CDC27: variants seen among roughly 807,000 people sequenced by gnomAD.
The protein encoded by CDC27 is cell division cycle 27.
A neutral mutation model predicts 109.7 loss-of-function variants in CDC27; 27 were observed. That is an observed-to-expected ratio of 0.25 (90% CI 0.18 to 0.34). CDC27 has a LOEUF of 0.34. Ranked by LOEUF, CDC27 falls within the 10% of genes least tolerant of loss-of-function variation. The pLI, the probability that CDC27 is intolerant of heterozygous loss-of-function variation, is 1.00. For missense variants in CDC27, 579 were observed against 960.2 expected (o/e 0.60, Z 5.25); for synonymous variants, 266 against 333.9 (o/e 0.80, Z 2.22).
intron 9 of CDC27, among the ~76,000 whole-genome samples, chr17:47,145,246 G>T (rs937176544): frequency 6.6e-6 from 1 of 152,176 alleles, no homozygotes; most frequent in African/African-American, 2.4e-5. Flanking sequence ...GCAAAATAGA[G>T]CTCAGTGGTC....
At chr17:47,171,599 G>A (rs868155166) in intron 3 of CDC27, among the ~76,000 whole-genome samples, 5 of 152,138 alleles carry the variant, frequency 3.3e-5, no homozygotes, top group Admixed American at 1.3e-4. Context: ...CAAGTGAGCT[G>A]GTGGGTTTTC....
rs551316770 is a variant in CDC27 at position 47,149,756 on chromosome 17, G to A, written c.1070+2050C>T. Among the ~76,000 whole-genome samples, 167 of 151,804 alleles carry A rather than the reference G, an allele frequency of 1.1e-3. 1 individual carries two copies. The highest frequency in any genetic ancestry group is 1.3e-3 in the African/African-American group (54 of 41,404). On this transcript the variant is annotated intron_variant, in intron 9 of 18. Transcript: ENST00000066544. ...GATCATTTGAGGTCAGGAGTTTGAC[G>A]CTAGCCTGGCCAACATCGTGAAACC...
chr17:47,157,074 A>G lies in CDC27; in HGVS notation c.681T>C (p.Asn227=), dbSNP rs769748660. Reference sequence around the variant, plus strand: ...CAATATAAGACACTGAGGAATCTGTATTCAAGGAGTACTTTGAATTGGAAG... The same window carrying G: ...CAATATAAGACACTGAGGAATCTGTGTTCAAGGAGTACTTTGAATTGGAAG... ...LESSNSKYSL[N]TDSSVSYIDS... Residue 227 remains asparagine (N), a synonymous_variant, in exon 7 of 19, where the codon AAT becomes AAC. Transcript: ENST00000066544. 28 of 1,598,340 alleles carry G rather than the reference A, an allele frequency of 1.8e-5. No homozygotes were observed. Among genetic ancestry groups the G allele is most frequent in the Non-Finnish European group, 2.3e-5 (27 of 1,171,656 alleles).
At chr17:47,144,381 C>T (rs933210114) in intron 9 of CDC27, among the ~76,000 whole-genome samples, 3 of 152,078 alleles carry the variant, frequency 2.0e-5, no homozygotes, top group Admixed American at 6.6e-5. Context: ...AACTCTGGAT[C>T]GACAAATGAT....
chr17:47,150,502 T>C (rs757035461), intron 9 of CDC27, among the ~76,000 whole-genome samples: 1 of 152,112 alleles, frequency 6.6e-6, no homozygotes, highest in Non-Finnish European at 1.5e-5. Context: ...AAAGAACACC[T>C]GGGGTTATCA....
chr17:47,168,007 G>T (rs187813720), intron 4 of CDC27, among the ~76,000 whole-genome samples: 1 of 152,312 alleles, frequency 6.6e-6, no homozygotes, highest in East Asian at 1.9e-4. Context: ...ATAGGGCGAG[G>T]CATGGGGAAA....
intron 14 of CDC27, among the ~76,000 whole-genome samples, chr17:47,133,028 T>TATATACATACACACAC (rs1555783886): frequency 3.4e-5 from 1 of 29,824 alleles, no homozygotes; most frequent in African/African-American, 1.5e-4. Context: ...TATATATATA[T>TATATACATACACACAC]ACACACACAC....
chr17:47,133,028 T>TATACATACATAC (rs1555783886), intron 14 of CDC27, among the ~76,000 whole-genome samples: 1 of 29,824 alleles, frequency 3.4e-5, no homozygotes, highest in Non-Finnish European at 5.8e-5. Flanking sequence ...TATATATATA[T>TATACATACATAC]ACACACACAC....
At chr17:47,128,990 T>C (rs1338749870) in intron 16 of CDC27, among the ~76,000 whole-genome samples, 1 of 152,182 alleles carries the variant, frequency 6.6e-6, no homozygotes, top group African/African-American at 2.4e-5. Flanking sequence ...CCGGCTGGTC[T>C]TGAACTCCTG....
At chr17:47,179,764 A>C (rs2064153457) in intron 2 of CDC27, among the ~76,000 whole-genome samples, 1 of 152,228 alleles carries the variant, frequency 6.6e-6, no homozygotes, top group South Asian at 2.1e-4. Flanking sequence ...GCAACTTTCC[A>C]AGTGCCAAGC....
rs2063342658 is a variant in CDC27, at chr17:47,157,301, G to C, written c.559C>G (p.Gln187Glu). 2 of 1,612,560 alleles carry C rather than the reference G, an allele frequency of 1.2e-6. No homozygotes were observed. The highest frequency in any genetic ancestry group is 8.5e-7 in the Non-Finnish European group (1 of 1,178,894). The change falls in exon 6 of 19, where the codon CAA becomes GAA. Residue 187 changes from glutamine (Q) to glutamate (E), a missense_variant. Coordinates refer to ENST00000066544, the MANE Select transcript of CDC27 (RefSeq NM_001256.6). ...SNCLPNSCTT[Q>E]VPNHSLSHRQ... ...TGAGATAAACTATGATTAGGTACTT[G>C]TGTTGTGCAAGAGTTGGGCAGACAG...
intron 7 of CDC27, among the ~76,000 whole-genome samples, chr17:47,156,415 G>C (rs1278416031): frequency 6.6e-6 from 1 of 152,012 alleles, no homozygotes; most frequent in East Asian, 1.9e-4. Context: ...TGGGATTACA[G>C]GCGTGAGCCA....
At chr17:47,179,031 A>G (rs1478811916) in intron 2 of CDC27, among the ~76,000 whole-genome samples, 1 of 151,882 alleles carries the variant, frequency 6.6e-6, no homozygotes, top group East Asian at 1.9e-4. Flanking sequence ...CAAATTCCCA[A>G]CCTCAGGTGA....
chr17:47,125,479 C>T (rs2062111122), intron 16 of CDC27, among the ~76,000 whole-genome samples: 1 of 151,240 alleles, frequency 6.6e-6, no homozygotes, highest in Non-Finnish European at 1.5e-5. Flanking sequence ...CTTCTGACCT[C>T]AAGTGATCCT....
Position 47,122,178 on chromosome 17 carries a change from G to A in CDC27, c.2392+266C>T, listed in dbSNP as rs567758205. ...TTATGAAGCAGATAAAACAGTACTG[G>A]TTACATATTCAAACATAAATTGAGG... is the stretch of plus-strand genomic sequence containing the variant. On this transcript the variant is annotated intron_variant, in intron 18 of 18. Coordinates refer to ENST00000066544, the MANE Select transcript of CDC27 (RefSeq NM_001256.6). Among the ~76,000 whole-genome samples, 12 of 151,560 alleles carry A rather than the reference G, an allele frequency of 7.9e-5. No homozygotes were observed. In the South Asian group the frequency reaches 1.0e-3, roughly 13 times the overall value.
At chr17:47,124,811 C>A (rs563316788) in intron 16 of CDC27, among the ~76,000 whole-genome samples, 1 of 152,102 alleles carries the variant, frequency 6.6e-6, no homozygotes, top group Non-Finnish European at 1.5e-5. Context: ...AGGTAAATAA[C>A]GTCAAGATAT....
At chr17:47,154,214 A>C (rs1166389542) in intron 8 of CDC27, among the ~76,000 whole-genome samples, 1 of 152,122 alleles carries the variant, frequency 6.6e-6, no homozygotes. Context: ...ATTATCAGAA[A>C]TATCTGGCTT....
At chr17:47,186,340 C>A (rs1203463376) in intron 1 of CDC27, among the ~76,000 whole-genome samples, 2 of 152,142 alleles carry the variant, frequency 1.3e-5, no homozygotes, top group Non-Finnish European at 2.9e-5. Context: ...ACTCCTTCAC[C>A]ATCTAATGAT....
Position 47,165,823 on chromosome 17 carries a change from A to G in CDC27, c.377+4094T>C, listed in dbSNP as rs149056353. Reference sequence around the variant, plus strand: ...ATGATTCATTTGAGTTAAATTTTTAATAAGGTATGGGGTTTAAGTCAATGC... The same window carrying G: ...ATGATTCATTTGAGTTAAATTTTTAGTAAGGTATGGGGTTTAAGTCAATGC... On this transcript the variant is annotated intron_variant, in intron 4 of 18. Transcript: ENST00000066544. Among the ~76,000 whole-genome samples, 270 of 152,272 alleles carry G rather than the reference A, an allele frequency of 1.8e-3. 1 individual carries two copies. Among genetic ancestry groups the G allele is most frequent in the Middle Eastern group, 0.01 (3 of 294 alleles).
Sources: gnomAD v4.1 joint callset for allele counts (sites outside exome capture counted in the v4.1 genomes callset) on GRCh38, gnomAD v4.1.1 for gene constraint, MANE v1.5 for transcripts, NCBI Gene and HGNC (gene_info 2026-07-23, HGNC 2026-07-21) for gene names.